Variants in GREP1 observed in about 807,000 individuals in gnomAD.
The protein encoded by GREP1 is glycine rich extracellular protein 1, also known as glycine-rich extracellular protein 1.
exon 32 of GREP1, chr16:3,000,578 A>C (rs1293000993): frequency 7.5e-6 from 3 of 398,736 alleles, no homozygotes; most frequent in Non-Finnish European, 1.3e-5. Context: ...GCTCTGGTGT[A>C]CCCCAAAGCA....
chr16:2,990,171 G>C, intron 5 of GREP1, 49 bp downstream of exon 5: 1 of 399,014 alleles, frequency 2.5e-6, no homozygotes. Context: ...GCCTCAGACG[G>C]AAGAGGCAGG....
chr16:2,999,948 G>C lies in GREP1; in HGVS notation c.1231+5G>C. On this transcript the variant is annotated splice_donor_5th_base_variant and intron_variant, in intron 28 of 34. Coordinates refer to ENST00000573315, the Ensembl canonical transcript of GREP1. ...ATGGACCGGGAGCAGAACCAGGTGA[G>C]GAGGCCCTTCCTGGAGTTCCTCCCC... The C allele has an allele frequency of 2.5e-6, 1 of 399,152 alleles. No individual in the cohort carries two copies. Among genetic ancestry groups the C allele is most frequent in the Non-Finnish European group, 4.4e-6 (1 of 226,138 alleles). 24.7% of individuals were successfully genotyped at this position (399,152 alleles called of 1,614,324 possible).
intron 10 of GREP1, chr16:2,993,247 C>A: frequency 3.7e-6 from 1 of 267,440 alleles, no homozygotes; most frequent in Non-Finnish European, 7.0e-6. Flanking sequence ...AAGTCCTTCC[C>A]CTTCTCTTCC....
At chr16:2,993,293 G>A (rs552322499) in intron 10 of GREP1, 80 of 207,612 alleles carry the variant, frequency 3.9e-4, no homozygotes, top group African/African-American at 1.8e-3. Context: ...TCAGAGAGCA[G>A]GCGAGCCCCA....
rs2072414332 is a variant in GREP1, at chr16:2,994,480, G to A, written c.386-218G>A. On this transcript the variant is annotated intron_variant, in intron 10 of 34. Transcript: ENST00000573315. The stretch of plus-strand genomic sequence containing the variant: ...ACCAAGATCACGCCATTGCTCTCCA[G>A]CCTGGGCAACAAGAGCGAGACTCCA... The A allele has an allele frequency of 1.1e-5, 4 of 370,162 alleles. No homozygotes were observed. The East Asian group carries it at 1.6e-4, about 15-fold the overall frequency. The allele number at this position is 370,162 out of a possible 1,614,324, so 22.9% of individuals were successfully genotyped here. A position where few individuals can be genotyped will look rare whatever the true frequency, so the allele number is the denominator to read the frequency against.
chr16:3,001,319 G>A (rs993809501), exon 34 of GREP1: 26 of 399,090 alleles, frequency 6.5e-5, no homozygotes, highest in African/African-American at 5.1e-4. Context: ...TGGCCAGCTG[G>A]GGAATGGCTA....
chr16:2,996,518 G>A (rs867828665), exon 19 of GREP1: 18 of 399,058 alleles, frequency 4.5e-5, no homozygotes, highest in East Asian at 2.5e-4. Context: ...GAAATGGACC[G>A]GGAGTCCAGC....
At chr16:3,000,151 G>A in intron 29 of GREP1, 33 bp downstream of exon 26, 1 of 399,156 alleles carries the variant, frequency 2.5e-6, no homozygotes, top group East Asian at 3.6e-5. Context: ...CCCATGTTGA[G>A]CGGAAGCTGG....
Position 2,992,629 on chromosome 16 carries a change from C to T in GREP1, c.323-176C>T. The T allele has an allele frequency of 5.1e-6, 2 of 394,102 alleles. No homozygotes were observed. Among genetic ancestry groups the T allele is most frequent in the Non-Finnish European group, 8.9e-6 (2 of 223,598 alleles). 24.4% of individuals were successfully genotyped at this position (394,102 alleles called of 1,614,324 possible). ...TCAAGGGTGGCCACGGTCTGGACTC[C>T]CGGGCCAAGAACCAAATCCAACTTT... On this transcript the variant is annotated intron_variant, in intron 8 of 34. Transcript: ENST00000573315. The surrounding 1 kb of genome is among the most constrained non-coding windows in gnomAD (Gnocchi z 4.9).
At chr16:2,993,929 G>A (rs893587765) in intron 10 of GREP1, 1 of 152,698 alleles carries the variant, frequency 6.5e-6, no homozygotes, top group Non-Finnish European at 1.5e-5. Context: ...CTGCACTCCA[G>A]CCTGGGTGAC....
chr16:3,000,375 G>A (rs2072453797), intron 30 of GREP1: 3 of 399,034 alleles, frequency 7.5e-6, no homozygotes, highest in African/African-American at 2.1e-5. Context: ...AGCAGGGGTC[G>A]GGGTGGGAGA....
At chr16:2,999,424 A>C in intron 27 of GREP1, 2 of 368,352 alleles carry the variant, frequency 5.4e-6, no homozygotes, top group Non-Finnish European at 9.6e-6. Context: ...AGGCTGCCTA[A>C]GCTATTCAGG....
rs140971758 is a variant in GREP1, at chr16:2,996,222, C to T, written c.677-274C>T. Among the ~76,000 whole-genome samples, 61 of 152,144 alleles carry T rather than the reference C, an allele frequency of 4.0e-4. 1 individual carries two copies. The highest frequency in any genetic ancestry group is 1.5e-3 in the African/African-American group (61 of 41,514). ...TGCTGGGATGACAGGCGTGAGCCAC[C>T]GCACCGGGCTGAGCCCAGGCTTCTT... is the stretch of plus-strand genomic sequence containing the variant. On this transcript the variant is annotated intron_variant, in intron 18 of 34. Coordinates refer to ENST00000573315, the Ensembl canonical transcript of GREP1.
intron 11 of GREP1, 31 bp from the exon 13 acceptor site, chr16:2,994,775 G>C (rs1186432792): frequency 2.5e-6 from 1 of 399,058 alleles, no homozygotes; most frequent in Non-Finnish European, 4.4e-6. Context: ...GGGGCCCCAG[G>C]TTCCTCACCT....
chr16:2,990,170 G>A (rs2072391250), intron 5 of GREP1, 48 bp downstream of exon 5: 6 of 398,042 alleles, frequency 1.5e-5, no homozygotes, highest in Middle Eastern at 6.3e-4. Context: ...GGCCTCAGAC[G>A]GAAGAGGCAG....
At chr16:3,001,194 G>T in intron 33 of GREP1, 87 bp from the exon 28 acceptor site, 1 of 399,224 alleles carries the variant, frequency 2.5e-6, no homozygotes, top group Non-Finnish European at 4.4e-6. Flanking sequence ...CGGGGAGGGG[G>T]TGTCTCCCAC....
intron 27 of GREP1, among the ~76,000 whole-genome samples, 171 bp from the exon 25 acceptor site, chr16:2,999,731 C>T (rs111927010): frequency 1.3e-5 from 2 of 152,280 alleles, no homozygotes; most frequent in African/African-American, 2.4e-5. Flanking sequence ...GGATTACAGG[C>T]GTGAGCCACT....
In GREP1 at chr16:2,998,390, T is replaced by C. The variant is rs2717692; in HGVS notation, c.982+2T>C. On this transcript the variant is annotated splice_donor_variant, in intron 24 of 34. Coordinates refer to ENST00000573315, the Ensembl canonical transcript of GREP1. LOFTEE classifies it low-confidence loss of function (ANC_ALLELE). ...GGACCTTGAAGCCTCAGAAGTCAGG[T>C]GAGTGGGGGACCCCTGGCTCTGCCC... 0.65 allele frequency: 261,316 copies of C among 399,130 alleles called. 87,413 individuals are homozygous for C. The highest frequency in any genetic ancestry group is 0.89 in the African/African-American group (43,157 of 48,704). 24.7% of individuals were successfully genotyped at this position (399,130 alleles called of 1,614,324 possible).
chr16:2,993,096 G>C, intron 10 of GREP1, 133 bp downstream of exon 11: 1 of 395,568 alleles, frequency 2.5e-6, no homozygotes. Flanking sequence ...GTGGGGAGTC[G>C]GGGCCTTCCT....
Sources: gnomAD v4.1 joint callset for allele counts (sites outside exome capture counted in the v4.1 genomes callset) on GRCh38, gnomAD v4.1.1 for gene constraint, Gnocchi (gnomAD v3.1) non-coding constraint, MANE v1.5 for transcripts, NCBI Gene and HGNC (gene_info 2026-07-23, HGNC 2026-07-21) for gene names.